WDR49: variants seen among roughly 807,000 people sequenced by gnomAD.
WDR49 encodes cilia- and flagella-associated protein 337.
WDR49 carries 107 observed loss-of-function variants against 119.5 expected under a neutral mutation model. The observed-to-expected ratio is 0.90, with a 90% CI of 0.77 to 1.05. WDR49 has a LOEUF of 1.05. Ranked by LOEUF, WDR49 falls within the 50% of genes least tolerant of loss-of-function variation. The pLI is 0.00. For missense variants in WDR49, 1,240 were observed against 1,220.5 expected, an observed-to-expected ratio of 1.02 and a Z score of -0.24; for synonymous variants, 425 against 418.8, an observed-to-expected ratio of 1.01 and a Z score of -0.18.
chr3:167,508,444 T>G (rs1751851138), intron 16 of WDR49, among the ~76,000 whole-genome samples: 1 of 152,166 alleles, frequency 6.6e-6, no homozygotes, highest in Non-Finnish European at 1.5e-5. Flanking sequence ...AGTAGCTATC[T>G]TCTAGGATTA....
At chr3:167,530,661 A>G (rs1752817753) in intron 13 of WDR49, among the ~76,000 whole-genome samples, 1 of 151,998 alleles carries the variant, frequency 6.6e-6, no homozygotes, top group South Asian at 2.1e-4. Context: ...TACTGTTCTT[A>G]ACATCCATGC....
chr3:167,575,174 A>G, intron 8 of WDR49: 3 of 985,370 alleles, frequency 3.0e-6, no homozygotes, highest in Non-Finnish European at 3.6e-6. Context: ...GCCTGACGGG[A>G]TCACTGCAGC....
chr3:167,489,154 C>T (rs537222305), intron 18 of WDR49, among the ~76,000 whole-genome samples: 5 of 152,050 alleles, frequency 3.3e-5, no homozygotes, highest in Admixed American at 2.6e-4. Context: ...AATTCAGCAG[C>T]AGTAGACTTT....
intron 18 of WDR49, among the ~76,000 whole-genome samples, chr3:167,480,567 T>C (rs1750680483): frequency 6.6e-6 from 1 of 152,182 alleles, no homozygotes; most frequent in South Asian, 2.1e-4. Context: ...GTCAAGATCT[T>C]TCCTCTTCTT....
intron 2 of WDR49, among the ~76,000 whole-genome samples, chr3:167,652,466 T>C (rs1718431981): frequency 6.6e-6 from 1 of 152,176 alleles, no homozygotes; most frequent in Non-Finnish European, 1.5e-5. Flanking sequence ...TTAGTAAACA[T>C]AATATAGTAG....
intron 9 of WDR49, among the ~76,000 whole-genome samples, chr3:167,556,944 G>A (rs1712964760): frequency 6.6e-6 from 1 of 152,198 alleles, no homozygotes. Flanking sequence ...AGAATAGCTT[G>A]AACCCAGAAG....
At chr3:167,513,252 C>T (rs927485654) in intron 16 of WDR49, among the ~76,000 whole-genome samples, 34 of 152,274 alleles carry the variant, frequency 2.2e-4, no homozygotes, top group African/African-American at 7.5e-4. Context: ...GACAGCGGAC[C>T]TCTCAGCAGA....
intron 11 of WDR49, 101 bp downstream of exon 11, chr3:167,536,769 A>G (rs1313481754): frequency 1.5e-6 from 1 of 678,870 alleles, no homozygotes; most frequent in Non-Finnish European, 2.0e-6. Context: ...ATATATATAT[A>G]TAAAACAACT....
chr3:167,582,929 C>G (rs1714618696), intron 7 of WDR49, among the ~76,000 whole-genome samples: 1 of 150,808 alleles, frequency 6.6e-6, no homozygotes, highest in South Asian at 2.1e-4. Context: ...GGCAATAGAG[C>G]AAGACTTTGT....
intron 10 of WDR49, among the ~76,000 whole-genome samples, chr3:167,537,571 C>G (rs532695006): frequency 6.6e-6 from 1 of 152,150 alleles, no homozygotes; most frequent in East Asian, 1.9e-4. Flanking sequence ...AGAAGTAGGA[C>G]ATAGGACAGA....
chr3:167,488,667 C>G (rs1361309731), intron 18 of WDR49, among the ~76,000 whole-genome samples: 1 of 152,100 alleles, frequency 6.6e-6, no homozygotes, highest in Admixed American at 6.6e-5. Flanking sequence ...GAATCCTGGA[C>G]AGTAGTTTGC....
intron 15 of WDR49, among the ~76,000 whole-genome samples, chr3:167,527,216 T>C (rs969822226): frequency 9.9e-5 from 15 of 152,162 alleles, no homozygotes; most frequent in African/African-American, 3.4e-4. Flanking sequence ...ATTCAAACTC[T>C]CTGTGCCTCT....
At chr3:167,645,846 G>A (rs893681302) in intron 2 of WDR49, among the ~76,000 whole-genome samples, 4 of 152,094 alleles carry the variant, frequency 2.6e-5, no homozygotes, top group African/African-American at 9.7e-5. Context: ...ACAAATAATG[G>A]CATTGCGTTA....
At chr3:167,533,523 A>C (rs1329518044) in intron 11 of WDR49, among the ~76,000 whole-genome samples, 2 of 152,012 alleles carry the variant, frequency 1.3e-5, no homozygotes, top group Non-Finnish European at 2.9e-5. Flanking sequence ...TGTTTCCTAC[A>C]TCCCTTCTTG....
intron 10 of WDR49, among the ~76,000 whole-genome samples, chr3:167,552,616 G>A (rs1447237328): frequency 6.6e-6 from 1 of 151,974 alleles, no homozygotes; most frequent in Non-Finnish European, 1.5e-5. Context: ...TGTTGAATTT[G>A]AGATTGCAGT....
intron 10 of WDR49, among the ~76,000 whole-genome samples, chr3:167,550,860 T>G (rs1712517468): frequency 6.6e-6 from 1 of 151,442 alleles, no homozygotes; most frequent in Admixed American, 6.6e-5. Flanking sequence ...AATTCTTAAT[T>G]TATTTAATTT....
At chr3:167,642,371 T>C (rs1717921109) in intron 2 of WDR49, among the ~76,000 whole-genome samples, 1 of 151,946 alleles carries the variant, frequency 6.6e-6, no homozygotes, top group African/African-American at 2.4e-5. Context: ...TCCAAAACTA[T>C]TTCATATACA....
chr3:167,531,313 A>C lies in WDR49; in HGVS notation c.2054-34T>G, dbSNP rs765986046. 5.6e-6 allele frequency: 9 copies of C among 1,606,254 alleles called. No individual in the cohort carries two copies. The Admixed American group carries it at 8.5e-5, about 15-fold the overall frequency. ...GAGACAAAGCCAAGTATATTAATGA[A>C]GAAAAATATCTGCTTTTCAAACTAA... On this transcript the variant is annotated intron_variant, in intron 12 of 18. Coordinates refer to ENST00000682715, the MANE Select transcript of WDR49 (RefSeq NM_001366157.1).
chr3:167,635,313 G>C (rs1717558999), intron 2 of WDR49, among the ~76,000 whole-genome samples: 1 of 151,698 alleles, frequency 6.6e-6, no homozygotes, highest in Non-Finnish European at 1.5e-5. Context: ...GTAGGAGGTT[G>C]CCTGTACTCA....
Sources: allele counts gnomAD v4.1 joint callset (sites outside exome capture counted in the v4.1 genomes callset), GRCh38; gene constraint gnomAD v4.1.1; transcripts MANE v1.5; gene names NCBI Gene and HGNC (gene_info 2026-07-23, HGNC 2026-07-21).